Variants in RABGAP1L observed in about 807,000 individuals in gnomAD.
RABGAP1L encodes the protein RAB GTPase activating protein 1 like.
In RABGAP1L, 63 loss-of-function variants were observed where a neutral mutation model predicts 137.7. The observed-to-expected ratio is 0.46, with a 90% CI of 0.37 to 0.56. RABGAP1L has a LOEUF of 0.56. Ranked by LOEUF, RABGAP1L falls within the 20% of genes least tolerant of loss-of-function variation. The probability of loss-of-function intolerance (pLI) is 0.00; values close to 1 mark genes in which losing one functional copy is unlikely to be tolerated. For missense variants in RABGAP1L, 1,095 were observed against 1,244.0 expected (o/e 0.88, Z 1.80); for synonymous variants, 431 against 433.7 (o/e 0.99, Z 0.08).
intron 3 of RABGAP1L, among the ~76,000 whole-genome samples, chr1:174,222,699 A>T (rs978969560): frequency 6.6e-6 from 1 of 152,240 alleles, no homozygotes. Context: ...GATAGCTATC[A>T]CCATAGCTCT....
intron 13 of RABGAP1L, among the ~76,000 whole-genome samples, chr1:174,586,395 G>C (rs1229913264): frequency 2.0e-5 from 3 of 151,880 alleles, no homozygotes; most frequent in African/African-American, 7.3e-5. Flanking sequence ...TGTCAGGGGA[G>C]GGTGGGTAGG....
At chr1:174,698,900 T>C (rs1679446625) in intron 15 of RABGAP1L, among the ~76,000 whole-genome samples, 1 of 151,992 alleles carries the variant, frequency 6.6e-6, no homozygotes, top group South Asian at 2.1e-4. Flanking sequence ...GCAAAAGAGG[T>C]TGGGGGGTGT....
chr1:174,765,966 A>T (rs1685637665), intron 18 of RABGAP1L, among the ~76,000 whole-genome samples: 1 of 152,130 alleles, frequency 6.6e-6, no homozygotes, highest in African/African-American at 2.4e-5. Context: ...TGAAGTCGTA[A>T]CCCCTAGTTA....
chr1:174,632,913 C>T (rs1048615578), intron 13 of RABGAP1L, among the ~76,000 whole-genome samples: 9 of 151,990 alleles, frequency 5.9e-5, no homozygotes, highest in South Asian at 2.1e-4. Context: ...ATTCTCCATC[C>T]GGCTTTGTTC....
In RABGAP1L at chr1:174,241,499, A is replaced by G; in HGVS notation, c.559A>G (p.Ser187Gly). Residue 187 changes from serine to glycine, a missense_variant, in exon 5 of 26, where the codon AGC becomes GGC. This residue lies in a region of RABGAP1L where 356 missense variants were observed against 326.3 expected (regional missense o/e 1.09). Coordinates refer to ENST00000681986, the MANE Select transcript of RABGAP1L (RefSeq NM_001366446.1). ...EGSVRIIDQS[S>G]NVEIASFPIY... ...GTTCTACAGAATTATAGACCAATCC[A>G]GCAATGTGGAGATAGCATCTTTTCC... 6.3e-7 allele frequency: 1 copy of G among 1,598,588 alleles called. No individual in the cohort carries two copies. The highest frequency in any genetic ancestry group is 8.5e-7 in the Non-Finnish European group (1 of 1,172,724).
chr1:174,349,657 G>A (rs1342392279), intron 11 of RABGAP1L, among the ~76,000 whole-genome samples: 19 of 126,076 alleles, frequency 1.5e-4, no homozygotes, highest in East Asian at 6.1e-4. Context: ...CCTCCCTCCC[G>A]GACGAGGCGG....
intron 13 of RABGAP1L, among the ~76,000 whole-genome samples, chr1:174,587,360 G>C (rs1341152773): frequency 6.6e-6 from 1 of 151,326 alleles, no homozygotes; most frequent in Non-Finnish European, 1.5e-5. Context: ...GAGTTAGTGG[G>C]TGCAGTGCAC....
chr1:174,741,961 C>T (rs1683451069), intron 17 of RABGAP1L, among the ~76,000 whole-genome samples: 1 of 146,170 alleles, frequency 6.8e-6, no homozygotes, highest in African/African-American at 2.5e-5. Flanking sequence ...ATTGCTTGAG[C>T]CTGGAAGGTT....
intron 13 of RABGAP1L, among the ~76,000 whole-genome samples, chr1:174,402,173 A>G (rs10737304): frequency 0.97 from 147,644 of 152,228 alleles, 71,648 homozygotes; most frequent in East Asian, 1. Context: ...CAGCTTCTGT[A>G]ATATGATTCC....
At chr1:174,758,052 T>A (rs578090074) in intron 18 of RABGAP1L, among the ~76,000 whole-genome samples, 1 of 151,792 alleles carries the variant, frequency 6.6e-6, no homozygotes, top group East Asian at 1.9e-4. Flanking sequence ...TTCTGAAGTG[T>A]ATCTTTGATG....
chr1:174,607,943 A>G (rs1379521420), intron 13 of RABGAP1L, among the ~76,000 whole-genome samples: 2 of 152,202 alleles, frequency 1.3e-5, no homozygotes, highest in Admixed American at 6.5e-5. Flanking sequence ...AACCCTTACG[A>G]AAGTGTGATT....
intron 13 of RABGAP1L, among the ~76,000 whole-genome samples, chr1:174,624,626 T>A (rs1360756700): frequency 1.3e-5 from 2 of 152,102 alleles, no homozygotes; most frequent in Non-Finnish European, 2.9e-5. Context: ...GGTAAGTTAA[T>A]CCAGAAAAAT....
intron 5 of RABGAP1L, chr1:174,245,976 G>A (rs1014301000): frequency 6.6e-6 from 1 of 152,114 alleles, no homozygotes; most frequent in Non-Finnish European, 1.5e-5. Context: ...TTCCAAAAGA[G>A]TGAGTTATCT....
At chr1:174,947,713 C>G (rs996230418) in intron 19 of RABGAP1L, among the ~76,000 whole-genome samples, 3 of 152,158 alleles carry the variant, frequency 2.0e-5, no homozygotes, top group African/African-American at 7.2e-5. Flanking sequence ...AGCCACCGCA[C>G]CCAGCCAGCC....
intron 5 of RABGAP1L, chr1:174,243,039 C>T (rs907927951): frequency 6.6e-6 from 1 of 152,078 alleles, no homozygotes; most frequent in Admixed American, 6.6e-5. Flanking sequence ...ATCATTTAAC[C>T]CACCTGTGTG....
chr1:174,222,270 C>G (rs1028545094), intron 3 of RABGAP1L, among the ~76,000 whole-genome samples: 2 of 152,186 alleles, frequency 1.3e-5, no homozygotes, highest in Non-Finnish European at 2.9e-5. Flanking sequence ...ATAAGTCACT[C>G]TGACAGAGGG....
At chr1:174,482,317 A>T (rs944903190) in intron 13 of RABGAP1L, among the ~76,000 whole-genome samples, 12 of 152,222 alleles carry the variant, frequency 7.9e-5, no homozygotes, top group Admixed American at 7.9e-4. Flanking sequence ...TCAGAGACAA[A>T]GGGATAAGTA....
rs1409900001 is a variant in RABGAP1L at position 174,643,723 on chromosome 1, C to G, written c.1824+6235C>G. Among the ~76,000 whole-genome samples, 4 of 152,072 alleles carry G rather than the reference C, an allele frequency of 2.6e-5. No individual in the cohort carries two copies. The South Asian group carries it at 8.3e-4, about 31-fold the overall frequency. On this transcript the variant is annotated intron_variant, in intron 14 of 25. Transcript: ENST00000681986. Reference sequence around the variant, plus strand: ...AATTTGCATACTGATAAATATTAATCTCTTAGAGTCAGAGTTTGATTTAGT... The same window carrying G: ...AATTTGCATACTGATAAATATTAATGTCTTAGAGTCAGAGTTTGATTTAGT...
intron 11 of RABGAP1L, among the ~76,000 whole-genome samples, chr1:174,330,829 GA>G (rs962203911): frequency 6.3e-4 from 95 of 151,430 alleles, no homozygotes; most frequent in African/African-American, 2.2e-3. Flanking sequence ...CACAGAAATA[GA>G]AAAAAAAATT....
Sources: allele counts gnomAD v4.1 joint callset (sites outside exome capture counted in the v4.1 genomes callset), GRCh38; gene constraint gnomAD v4.1.1; regional missense constraint gnomAD v4.1.1; transcripts MANE v1.5; gene names NCBI Gene and HGNC (gene_info 2026-07-23, HGNC 2026-07-21).